PSEN1: variants seen among roughly 807,000 people sequenced by gnomAD.
PSEN1 encodes presenilin 1.
PSEN1 carries 15 observed loss-of-function variants against 53.5 expected under a neutral mutation model. The observed-to-expected ratio is 0.28, with a 90% CI of 0.19 to 0.43. PSEN1 has a LOEUF of 0.43. PSEN1 is among the 20% of genes least tolerant of loss of function. The pLI is 1.00. For synonymous variants in PSEN1, 208 were observed against 209.8 expected (o/e 0.99, Z 0.08); for missense variants, 387 against 571.2 (o/e 0.68, Z 3.29).
At chr14:73,168,178 A>T (rs1897775539) in intron 3 of PSEN1, 1 of 152,168 alleles carries the variant, frequency 6.6e-6, no homozygotes, top group Non-Finnish European at 1.5e-5. Context: ...CAACATGGCA[A>T]AACCGTATCT....
In PSEN1 at chr14:73,222,154, C is replaced by A. The variant is rs886050679; in HGVS notation, c.*2865C>A. On this transcript the variant is annotated 3_prime_UTR_variant, in exon 12 of 12. Coordinates refer to ENST00000324501, the MANE Select transcript of PSEN1 (RefSeq NM_000021.4). ...AGGTTCGTGTGTGTTCCTAGAATCA[C>A]AGCTCTGACTCCAAATGACTCAATT... The A allele has an allele frequency of 1.4e-4, 21 of 152,158 alleles. No individual in the cohort carries two copies. Among genetic ancestry groups the A allele is most frequent in the Non-Finnish European group, 1.6e-4 (11 of 68,028 alleles). The allele number at this position is 152,158 out of a possible 1,614,324, so 9.4% of individuals were successfully genotyped here.
At chr14:73,142,924 C>G (rs551462990) in intron 1 of PSEN1, among the ~76,000 whole-genome samples, 8 of 152,252 alleles carry the variant, frequency 5.3e-5, no homozygotes, top group African/African-American at 1.9e-4. Flanking sequence ...CAGCAGGTGA[C>G]CAGAGAGCAA....
intron 3 of PSEN1, among the ~76,000 whole-genome samples, chr14:73,149,832 G>C (rs1339446516): frequency 6.6e-6 from 1 of 152,218 alleles, no homozygotes; most frequent in Admixed American, 6.5e-5. Context: ...TATTGTTATA[G>C]TTCAAATAGA....
intron 5 of PSEN1, among the ~76,000 whole-genome samples, chr14:73,178,693 C>G (rs1281985677): frequency 1.3e-5 from 2 of 152,082 alleles, no homozygotes; most frequent in Non-Finnish European, 2.9e-5. Flanking sequence ...TCTAAAATTC[C>G]TATATAGCCC....
chr14:73,207,993 T>C (rs950234599), intron 9 of PSEN1, among the ~76,000 whole-genome samples: 9 of 152,286 alleles, frequency 5.9e-5, no homozygotes, highest in African/African-American at 2.2e-4. Flanking sequence ...GTAAGAAATA[T>C]ACTGGAAAGA....
rs562376197 is a variant in PSEN1, at chr14:73,157,740, C to T, written c.87+9634C>T. On this transcript the variant is annotated intron_variant, in intron 3 of 11. Transcript: ENST00000324501. Reference sequence around the variant, plus strand: ...ATCATACAGGCCGGGCACGGTGGCTCATGCCTGTAATCCCAGCACTTTGGG... The same window carrying T: ...ATCATACAGGCCGGGCACGGTGGCTTATGCCTGTAATCCCAGCACTTTGGG... 4.6e-5 allele frequency among the ~76,000 whole-genome samples: 7 copies of T among 152,222 alleles called. No individual in the cohort carries two copies. The East Asian group carries it at 1.2e-3, about 25-fold the overall frequency.
chr14:73,202,622 G>A (rs1459972883), intron 8 of PSEN1, among the ~76,000 whole-genome samples: 3 of 149,556 alleles, frequency 2.0e-5, no homozygotes, highest in African/African-American at 4.9e-5. Flanking sequence ...CTAGGCGCCC[G>A]CCACCATGCC....
At chr14:73,169,486 C>G (rs898731382) in intron 3 of PSEN1, 18 of 152,194 alleles carry the variant, frequency 1.2e-4, no homozygotes, top group African/African-American at 4.3e-4. Context: ...ACTTAACTGC[C>G]TGGTTATATC....
chr14:73,172,692 T>C (rs1897927364), intron 4 of PSEN1, among the ~76,000 whole-genome samples: 1 of 152,240 alleles, frequency 6.6e-6, no homozygotes, highest in Admixed American at 6.5e-5. Context: ...TCTGACTTTG[T>C]TAATAGAAAA....
At chr14:73,137,586 G>T (rs1221742667) in intron 1 of PSEN1, among the ~76,000 whole-genome samples, 1 of 152,132 alleles carries the variant, frequency 6.6e-6, no homozygotes, top group East Asian at 1.9e-4. Context: ...AAACACTTAG[G>T]AACACTTGCA....
At chr14:73,211,646 C>T (rs1899684506) in intron 9 of PSEN1, 123 bp from the exon 10 acceptor site, 4 of 985,452 alleles carry the variant, frequency 4.1e-6, no homozygotes. Context: ...TGCTACAGCC[C>T]ATGCTTTGTG....
chr14:73,216,758 C>CAA (rs58497887), intron 10 of PSEN1, among the ~76,000 whole-genome samples: 2,152 of 130,672 alleles, frequency 0.016, 53 homozygotes, highest in African/African-American at 0.056. Flanking sequence ...AACTCCATCT[C>CAA]AAAAAAAAAA....
chr14:73,173,508 T>G, intron 4 of PSEN1, 58 bp from the exon 5 acceptor site: 2 of 1,540,690 alleles, frequency 1.3e-6, no homozygotes, highest in Non-Finnish European at 1.8e-6. Context: ...GAGGTGGTAA[T>G]GTGGTTGGTG....
Position 73,186,918 on chromosome 14 carries a change from G to A in PSEN1, c.546G>A (p.Leu182=). ...TGTTCTTTTTTTCATTCATTTACTT[G>A]GGGTAAGTTGTGAAATTTTTGGTCT... ...LLLFFFSFIY[L]GEVFKTYNVA... Residue 182 remains leucine, a splice_region_variant and synonymous_variant, in exon 6 of 12, where the codon TTG becomes TTA. Coordinates refer to ENST00000324501, the MANE Select transcript of PSEN1 (RefSeq NM_000021.4). 2 of 1,612,228 alleles carry A rather than the reference G, an allele frequency of 1.2e-6. No individual in the cohort carries two copies. Among genetic ancestry groups the A allele is most frequent in the Non-Finnish European group, 1.7e-6 (2 of 1,178,490 alleles).
intron 1 of PSEN1, among the ~76,000 whole-genome samples, chr14:73,140,443 T>C (rs1019062308): frequency 2.6e-5 from 4 of 151,990 alleles, no homozygotes; most frequent in African/African-American, 9.6e-5. Context: ...ACTCCTGACC[T>C]CGTGATCCAC....
chr14:73,209,342 G>A (rs1346588708), intron 9 of PSEN1, among the ~76,000 whole-genome samples: 25 of 152,360 alleles, frequency 1.6e-4, no homozygotes, highest in Non-Finnish European at 1.2e-4. Flanking sequence ...AAGACCACTA[G>A]TAAACCTGAT....
At position 73,142,404 on chromosome 14, in the gene PSEN1, T is replaced by C. The variant is rs145441531; in HGVS notation, c.-135-5391T>C. Among the ~76,000 whole-genome samples, 297 of 152,316 alleles carry C rather than the reference T, an allele frequency of 1.9e-3. 1 individual carries two copies. The highest frequency in any genetic ancestry group is 3.4e-3 in the Middle Eastern group (1 of 294). ...AAACTAGTCAAGTAGCTTAGAGACA[T>C]TAAAACAAGCCACAAGCCCTTTGTG... On this transcript the variant is annotated intron_variant, in intron 1 of 11. Coordinates refer to ENST00000324501, the MANE Select transcript of PSEN1 (RefSeq NM_000021.4).
intron 3 of PSEN1, among the ~76,000 whole-genome samples, chr14:73,165,471 C>T (rs1398437496): frequency 1.3e-5 from 2 of 151,980 alleles, no homozygotes; most frequent in Non-Finnish European, 1.5e-5. Flanking sequence ...CTGGGCTGGG[C>T]GCAGTGGCTC....
rs762700122 is a variant in PSEN1, at chr14:73,192,648, G to A, written c.553G>A (p.Val185Met). The A allele has an allele frequency of 6.2e-7, 1 of 1,609,960 alleles. No individual in the cohort carries two copies. Among genetic ancestry groups the A allele is most frequent in the Non-Finnish European group, 8.5e-7 (1 of 1,176,302 alleles). Residue 185 changes from valine (V) to methionine (M), a missense_variant, in exon 7 of 12, where the codon GTG (valine) becomes ATG (methionine). This residue lies in a region of PSEN1 where 169 missense variants were observed against 299.7 expected (regional missense o/e 0.56). Coordinates refer to ENST00000324501, the MANE Select transcript of PSEN1 (RefSeq NM_000021.4). ...ATCTGTGTAATTTTTTTTCAGGGAA[G>A]TGTTTAAAACCTATAACGTTGCTGT... ...FFFSFIYLGE[V>M]FKTYNVAVDY...
Sources: gnomAD v4.1 joint callset for allele counts (sites outside exome capture counted in the v4.1 genomes callset) on GRCh38, gnomAD v4.1.1 for gene constraint, gnomAD v4.1.1 regional missense constraint, MANE v1.5 for transcripts, NCBI Gene and HGNC (gene_info 2026-07-23, HGNC 2026-07-21) for gene names.